Variants in PTPRN2 observed in about 807,000 individuals in gnomAD.
PTPRN2 encodes the protein receptor-type tyrosine-protein phosphatase N2.
A neutral mutation model predicts 118.8 loss-of-function variants in PTPRN2; 74 were observed. That is an observed-to-expected ratio of 0.62 (90% CI 0.52 to 0.76). The LOEUF is 0.76. Ranked by LOEUF, PTPRN2 falls within the 30% of genes least tolerant of loss-of-function variation. The pLI, the probability that PTPRN2 is intolerant of heterozygous loss-of-function variation, is 0.00. For synonymous variants in PTPRN2, 641 were observed against 608.0 expected (o/e 1.05, Z -0.80); for missense variants, 1,481 against 1,394.4 (o/e 1.06, Z -0.99).
chr7:158,333,418 A>T (rs1173350627), intron 2 of PTPRN2, among the ~76,000 whole-genome samples: 1 of 143,914 alleles, frequency 6.9e-6, no homozygotes, highest in East Asian at 2.0e-4. Context: ...TCACACCCAC[A>T]CTGTCACCAT....
At chr7:157,589,102 G>A (rs1800841543) in intron 17 of PTPRN2, among the ~76,000 whole-genome samples, 2 of 152,134 alleles carry the variant, frequency 1.3e-5, no homozygotes, top group Admixed American at 6.5e-5. Context: ...TCACCATCAA[G>A]CCCCTCTGCA....
At chr7:157,960,558 T>C (rs1025595023) in intron 11 of PTPRN2, among the ~76,000 whole-genome samples, 2 of 152,168 alleles carry the variant, frequency 1.3e-5, no homozygotes, top group Non-Finnish European at 2.9e-5. Context: ...CAGTAAACAT[T>C]AGATATAGAA....
chr7:158,291,000 T>C (rs1800087078), intron 3 of PTPRN2, among the ~76,000 whole-genome samples: 1 of 152,208 alleles, frequency 6.6e-6, no homozygotes, highest in Non-Finnish European at 1.5e-5. Flanking sequence ...AAAATGTGGA[T>C]GCTCTTTGAC....
At chr7:158,047,399 C>A (rs751351436) in intron 11 of PTPRN2, among the ~76,000 whole-genome samples, 6 of 152,252 alleles carry the variant, frequency 3.9e-5, no homozygotes, top group Non-Finnish European at 7.3e-5. Context: ...TAACCACAAC[C>A]AAAGAGGCTG....
chr7:158,103,713 G>A (rs1452648929), intron 10 of PTPRN2, among the ~76,000 whole-genome samples: 1 of 152,166 alleles, frequency 6.6e-6, no homozygotes, highest in Admixed American at 6.5e-5. Flanking sequence ...CCAGGTCAGT[G>A]CAGGCCCCCA....
intron 12 of PTPRN2, among the ~76,000 whole-genome samples, chr7:157,826,519 T>C (rs1775140209): frequency 9.1e-6 from 1 of 109,866 alleles, no homozygotes; most frequent in South Asian, 3.4e-4. Flanking sequence ...ACGAACACGA[T>C]CGTCACAATC....
chr7:158,356,219 A>G (rs1808373162), intron 2 of PTPRN2, among the ~76,000 whole-genome samples: 1 of 152,218 alleles, frequency 6.6e-6, no homozygotes, highest in Non-Finnish European at 1.5e-5. Flanking sequence ...GTTGACAAAA[A>G]TTTCCTCGGG....
chr7:157,710,854 C>T (rs1436753342), intron 12 of PTPRN2, among the ~76,000 whole-genome samples: 1 of 85,444 alleles, frequency 1.2e-5, no homozygotes, highest in African/African-American at 4.6e-5. Flanking sequence ...GAGAGCCCCA[C>T]GCGCCGGAGG....
At chr7:158,150,135 G>A (rs562806098) in intron 6 of PTPRN2, among the ~76,000 whole-genome samples, 6 of 152,130 alleles carry the variant, frequency 3.9e-5, no homozygotes, top group South Asian at 2.1e-4. Flanking sequence ...AAGCTTGGCC[G>A]GCAACAATGC....
chr7:157,738,355 G>C (rs1253632140), intron 12 of PTPRN2, among the ~76,000 whole-genome samples: 2 of 152,208 alleles, frequency 1.3e-5, no homozygotes, highest in Non-Finnish European at 2.9e-5. Flanking sequence ...CCTGATACTG[G>C]CGTGAAGTTC....
chr7:158,048,062 G>A (rs1386657883), intron 11 of PTPRN2, among the ~76,000 whole-genome samples: 1 of 152,054 alleles, frequency 6.6e-6, no homozygotes, highest in African/African-American at 2.4e-5. Flanking sequence ...GCCAAGAATG[G>A]TGCATACACA....
At chr7:157,626,555 A>AAT (rs1803583490) in intron 14 of PTPRN2, among the ~76,000 whole-genome samples, 1 of 151,456 alleles carries the variant, frequency 6.6e-6, no homozygotes, top group Non-Finnish European at 1.5e-5. Flanking sequence ...CACCCCCCAC[A>AAT]TCAAACAGTT....
chr7:158,331,448 A>G (rs1412960959), intron 2 of PTPRN2, among the ~76,000 whole-genome samples: 12 of 147,214 alleles, frequency 8.2e-5, no homozygotes, highest in African/African-American at 3.1e-4. Flanking sequence ...TACTCTCACC[A>G]TAAGAGCTGA....
chr7:157,807,506 T>G (rs1019257317), intron 12 of PTPRN2, among the ~76,000 whole-genome samples: 1 of 152,084 alleles, frequency 6.6e-6, no homozygotes, highest in African/African-American at 2.4e-5. Context: ...CCTGGGGCCA[T>G]GGGGAGGGAA....
intron 3 of PTPRN2, among the ~76,000 whole-genome samples, chr7:158,267,642 G>A (rs1049304467): frequency 1.3e-5 from 2 of 152,170 alleles, no homozygotes. Context: ...AGAGCTCCTG[G>A]TTAGAGCCGT....
chr7:158,058,382 A>G lies in PTPRN2; in HGVS notation c.1723+22916T>C, dbSNP rs866979240. Among the ~76,000 whole-genome samples, 939 of 127,992 alleles carry G rather than the reference A, an allele frequency of 7.3e-3. 1 individual carries two copies. The highest frequency in any genetic ancestry group is 0.031 in the African/African-American group (820 of 26,786). 84.0% of individuals were successfully genotyped at this position (127,992 alleles called of 152,430 possible). A position where few individuals can be genotyped will look rare whatever the true frequency, so the allele number is the denominator to read the frequency against. The stretch of plus-strand genomic sequence containing the variant: ...CACGGTGACACATCACTGCAGCCAC[A>G]CTCCATCTGCCCACGGTGAGACATC... On this transcript the variant is annotated intron_variant, in intron 11 of 22. Coordinates refer to ENST00000389418, the MANE Select transcript of PTPRN2 (RefSeq NM_002847.5).
At chr7:158,577,337 G>C (rs377223954) in intron 1 of PTPRN2, among the ~76,000 whole-genome samples, 930 of 38,088 alleles carry the variant, frequency 0.024, no homozygotes, top group African/African-American at 0.059. Context: ...ACTGAGGGCT[G>C]CCCACCCTGC....
intron 12 of PTPRN2, among the ~76,000 whole-genome samples, chr7:157,875,922 G>A (rs1387248325): frequency 4.7e-5 from 7 of 149,966 alleles, no homozygotes; most frequent in Non-Finnish European, 8.9e-5. Flanking sequence ...GGTGGGCACC[G>A]GGCTGCAGAG....
At chr7:158,326,432 G>A (rs998193047) in intron 2 of PTPRN2, among the ~76,000 whole-genome samples, 1 of 152,136 alleles carries the variant, frequency 6.6e-6, no homozygotes, top group Non-Finnish European at 1.5e-5. Flanking sequence ...AGTACAGCAG[G>A]AGAATTAATG....
Sources: allele counts gnomAD v4.1 joint callset (sites outside exome capture counted in the v4.1 genomes callset), GRCh38; gene constraint gnomAD v4.1.1; transcripts MANE v1.5; gene names NCBI Gene and HGNC (gene_info 2026-07-23, HGNC 2026-07-21).